The following AP1M1 variants were observed in gnomAD, a reference collection of about 807,000 sequenced individuals.
The protein encoded by AP1M1 is AP-1 complex subunit mu-1.
AP1M1 carries 18 observed loss-of-function variants against 57.1 expected under a neutral mutation model. The ratio of observed to expected loss-of-function variants is 0.32; its 90% CI spans 0.22 to 0.47. The LOEUF (loss-of-function observed/expected upper bound fraction) is 0.47. AP1M1 is among the 20% of genes least tolerant of loss of function. AP1M1 has a pLI of 1.00. For missense variants in AP1M1, 362 were observed against 593.5 expected, an observed-to-expected ratio of 0.61 and a Z score of 4.05; for synonymous variants, 241 against 237.9, an observed-to-expected ratio of 1.01 and a Z score of -0.12.
chr19:16,211,260 AT>A (rs1343345632), intron 5 of AP1M1, among the ~76,000 whole-genome samples: 1 of 151,896 alleles, frequency 6.6e-6, no homozygotes, highest in East Asian at 1.9e-4. Flanking sequence ...TGCCCGGCTA[AT>A]TTTTGTATTT....
intron 5 of AP1M1, among the ~76,000 whole-genome samples, chr19:16,225,558 C>A (rs1471286277): frequency 1.3e-5 from 2 of 152,204 alleles, no homozygotes; most frequent in East Asian, 3.9e-4. Context: ...GCAGGACCGT[C>A]GCCCCGGTGT....
rs140734759 is a variant in AP1M1, at chr19:16,243,246, TTTTTTGTTTTTGTTTTTG to T, written c.*8834_*8851del. ...AAAATATTTCCAAATATGAGAGGTT[TTTTTTGTTTTTGTTTTTG>T]TTTTTGTTTTTGTTTTTGTTTTGAG... On this transcript the variant is annotated 3_prime_UTR_variant, in exon 12 of 12. Transcript: ENST00000291439. The T allele has an allele frequency of 8.8e-5, 13 of 147,772 alleles. No homozygotes were observed. The highest frequency in any genetic ancestry group is 2.2e-4 in the South Asian group (1 of 4,608). The allele number at this position is 147,772 out of a possible 1,614,324, so 9.2% of individuals were successfully genotyped here. A position where few individuals can be genotyped will look rare whatever the true frequency, so the allele number is the denominator to read the frequency against.
chr19:16,208,939 C>G, intron 4 of AP1M1, 91 bp from the exon 5 acceptor site: 1 of 1,495,850 alleles, frequency 6.7e-7, no homozygotes, highest in Non-Finnish European at 9.0e-7. Context: ...TGCCCTGTAC[C>G]CCCCACCCAA....
At position 16,245,878 on chromosome 19, in the gene AP1M1, A is replaced by G. The variant is rs541133124; in HGVS notation, c.*11443A>G. The G allele has an allele frequency of 3.3e-5, 5 of 152,306 alleles. No homozygotes were observed. The East Asian group carries it at 5.8e-4, about 18-fold the overall frequency. The allele number at this position is 152,306 out of a possible 1,614,324, so 9.4% of individuals were successfully genotyped here. On this transcript the variant is annotated 3_prime_UTR_variant, in exon 12 of 12. Coordinates refer to ENST00000291439, the MANE Select transcript of AP1M1 (RefSeq NM_032493.4). ...TTATATTTAAAAAGGCAGGGGGCTA[A>G]AATAAATAAATAATTTAAAAAATAA...
chr19:16,224,307 G>A (rs1489893124), intron 5 of AP1M1, among the ~76,000 whole-genome samples: 1 of 152,186 alleles, frequency 6.6e-6, no homozygotes, highest in African/African-American at 2.4e-5. Context: ...AGAGAGAGTC[G>A]AGCAGGAAAG....
chr19:16,220,080 C>A (rs900112924), intron 5 of AP1M1, among the ~76,000 whole-genome samples: 1 of 152,100 alleles, frequency 6.6e-6, no homozygotes, highest in Non-Finnish European at 1.5e-5. Context: ...GTTTTTTCCT[C>A]TTCCGTTTTC....
rs534073612 is a variant in AP1M1, at chr19:16,227,980, G to T, written c.817-157G>T. Reference sequence around the variant, plus strand: ...AGCTCCCGGCTACCTCGGCCTGTCTGCCCTGGCCCTCCCTGACGCTGGCTG... The same window carrying T: ...AGCTCCCGGCTACCTCGGCCTGTCTTCCCTGGCCCTCCCTGACGCTGGCTG... On this transcript the variant is annotated intron_variant, in intron 7 of 11. Coordinates refer to ENST00000291439, the MANE Select transcript of AP1M1 (RefSeq NM_032493.4). This position sits in a 1 kb window ranked among gnomAD's most constrained non-coding sequence, Gnocchi z 6.2. Among the ~76,000 whole-genome samples the T allele has an allele frequency of 5.3e-5, 8 of 152,346 alleles. No homozygotes were observed. In the South Asian group the frequency reaches 1.4e-3, roughly 28 times the overall value.
chr19:16,244,788 C>T lies in AP1M1; in HGVS notation c.*10353C>T, dbSNP rs2091656976. The T allele has an allele frequency of 6.6e-6, 1 of 151,746 alleles. No individual in the cohort carries two copies. Among genetic ancestry groups the T allele is most frequent in the African/African-American group, 2.4e-5 (1 of 41,164 alleles). The allele number at this position is 151,746 out of a possible 1,614,324, so 9.4% of individuals were successfully genotyped here. On this transcript the variant is annotated 3_prime_UTR_variant, in exon 12 of 12. Transcript: ENST00000291439. ...GAGCTTGCAGTGAGCCGAGATTGCG[C>T]CACTGCAGTCCGCAGTCCGGCCTGG... is the stretch of plus-strand genomic sequence containing the variant.
Position 16,236,652 on chromosome 19 carries a change from C to A in AP1M1, c.*2217C>A, listed in dbSNP as rs903962030. 6.6e-6 allele frequency: 1 copy of A among 152,154 alleles called. No homozygotes were observed. Among genetic ancestry groups the A allele is most frequent in the Non-Finnish European group, 1.5e-5 (1 of 68,018 alleles). 9.4% of individuals were successfully genotyped at this position (152,154 alleles called of 1,614,324 possible). Reference sequence around the variant, plus strand: ...CACCCCTGAGAATAAGCACTGTGTCCTCTCTCTGCCTGAGATCCACAGGAG... The same window carrying A: ...CACCCCTGAGAATAAGCACTGTGTCATCTCTCTGCCTGAGATCCACAGGAG... On this transcript the variant is annotated 3_prime_UTR_variant, in exon 12 of 12. Coordinates refer to ENST00000291439, the MANE Select transcript of AP1M1 (RefSeq NM_032493.4).
At position 16,218,512 on chromosome 19, in the gene AP1M1, T is replaced by G. The variant is rs372078565; in HGVS notation, c.547-7909T>G. Among the ~76,000 whole-genome samples the G allele has an allele frequency of 1.1e-4, 16 of 152,304 alleles. No homozygotes were observed. The East Asian group carries it at 2.9e-3, about 28-fold the overall frequency. Reference sequence around the variant, plus strand: ...TGATTCCTGGTGCACAGTAGCCCTGTGCAGGGTTCCCAGCCTCCTCCTCTG... The same window carrying G: ...TGATTCCTGGTGCACAGTAGCCCTGGGCAGGGTTCCCAGCCTCCTCCTCTG... On this transcript the variant is annotated intron_variant, in intron 5 of 11. Coordinates refer to ENST00000291439, the MANE Select transcript of AP1M1 (RefSeq NM_032493.4).
At position 16,234,849 on chromosome 19, in the gene AP1M1, A is replaced by G. The variant is rs2091618195; in HGVS notation, c.*414A>G. 1 of 310,938 alleles carries G rather than the reference A, an allele frequency of 3.2e-6. No individual in the cohort carries two copies. Among genetic ancestry groups the G allele is most frequent in the African/African-American group, 2.1e-5 (1 of 47,124 alleles). The allele number at this position is 310,938 out of a possible 1,614,324, so 19.3% of individuals were successfully genotyped here. On this transcript the variant is annotated 3_prime_UTR_variant, in exon 12 of 12. Coordinates refer to ENST00000291439, the MANE Select transcript of AP1M1 (RefSeq NM_032493.4). ...CCAGCAGGGGCGTCGTTTTGTTGCC[A>G]TTTTGTTGAACGTTATGGGTTTATG...
At chr19:16,229,783 C>T (rs767647942) in intron 9 of AP1M1, among the ~76,000 whole-genome samples, 32 of 152,198 alleles carry the variant, frequency 2.1e-4, no homozygotes, top group Non-Finnish European at 2.5e-4. Flanking sequence ...TCAGCCTTTC[C>T]GCGTGTCTCC....
At chr19:16,230,083 G>C (rs548388033) in intron 9 of AP1M1, among the ~76,000 whole-genome samples, 17 of 152,200 alleles carry the variant, frequency 1.1e-4, no homozygotes, top group African/African-American at 4.1e-4. Context: ...AGCTGTAGAC[G>C]GGGGAGGAAG....
At chr19:16,225,955 G>GGGTCCTGGCCCA (rs1275777449) in intron 5 of AP1M1, among the ~76,000 whole-genome samples, 3 of 152,156 alleles carry the variant, frequency 2.0e-5, no homozygotes, top group African/African-American at 4.8e-5. Flanking sequence ...AGGGACCACA[G>GGGTCCTGGCCCA]GGTCCTGGCC....
At chr19:16,231,098 C>T (rs886749343) in intron 9 of AP1M1, among the ~76,000 whole-genome samples, 3 of 151,878 alleles carry the variant, frequency 2.0e-5, no homozygotes, top group Non-Finnish European at 2.9e-5. Context: ...ACCATCCTGG[C>T]TAACATGGTG....
At chr19:16,226,751 A>G (rs1395890815) in intron 6 of AP1M1, 1 of 663,964 alleles carries the variant, frequency 1.5e-6, no homozygotes, top group Non-Finnish European at 2.3e-6. Flanking sequence ...AAGATCCTCC[A>G]GTCCAGCTGG....
chr19:16,203,660 G>A lies in AP1M1; in HGVS notation c.199+45G>A. On this transcript the variant is annotated intron_variant, in intron 2 of 11. Transcript: ENST00000291439. The surrounding 1 kb of genome is among the most constrained non-coding windows in gnomAD (Gnocchi z 4.6). ...GCTCCCAGGGGACTCCTGTGTGGGTGTTGGTGTGTGTGCATATCCACACGC... is the reference window on the plus strand; with the variant it reads ...GCTCCCAGGGGACTCCTGTGTGGGTATTGGTGTGTGTGCATATCCACACGC... 1 of 1,558,166 alleles carries A rather than the reference G, an allele frequency of 6.4e-7. No individual in the cohort carries two copies. The highest frequency in any genetic ancestry group is 1.8e-5 in the Admixed American group (1 of 54,562).
intron 5 of AP1M1, among the ~76,000 whole-genome samples, chr19:16,213,488 G>A (rs2091503974): frequency 6.6e-6 from 1 of 151,970 alleles, no homozygotes; most frequent in South Asian, 2.1e-4. Context: ...TATTGCATCT[G>A]AGATGGGTCT....
At chr19:16,224,709 A>G (rs1318521444) in intron 5 of AP1M1, among the ~76,000 whole-genome samples, 1 of 152,138 alleles carries the variant, frequency 6.6e-6, no homozygotes, top group Non-Finnish European at 1.5e-5. Flanking sequence ...GTTCAGTTAC[A>G]GCTGGCTGCC....
Sources: allele counts gnomAD v4.1 joint callset (sites outside exome capture counted in the v4.1 genomes callset), GRCh38; gene constraint gnomAD v4.1.1; non-coding constraint Gnocchi (gnomAD v3.1); transcripts MANE v1.5; gene names NCBI Gene and HGNC (gene_info 2026-07-23, HGNC 2026-07-21).